NEDD4: variants seen among roughly 807,000 people sequenced by gnomAD.
NEDD4 encodes E3 ubiquitin-protein ligase NEDD4.
A neutral mutation model predicts 144.9 loss-of-function variants in NEDD4; 99 were observed. That is an observed-to-expected ratio of 0.68 (90% CI 0.58 to 0.81). The LOEUF is 0.81. Among genes scored for constraint, NEDD4 ranks in the 30% least tolerant of loss-of-function variants. The pLI is 0.00. For missense variants in NEDD4, 985 were observed against 1,065.9 expected (o/e 0.92, Z 1.06); for synonymous variants, 318 against 350.6 (o/e 0.91, Z 1.04).
intron 8 of NEDD4, among the ~76,000 whole-genome samples, chr15:55,868,900 T>C (rs558903680): frequency 1.3e-5 from 2 of 152,168 alleles, no homozygotes; most frequent in Non-Finnish European, 2.9e-5. Flanking sequence ...AACAAGATCC[T>C]GAGGTTCGGA....
Position 55,915,387 on chromosome 15 carries a change from G to A in NEDD4, c.291+9259C>T, listed in dbSNP as rs1438349132. 3.1e-6 allele frequency: 5 copies of A among 1,613,636 alleles called. No individual in the cohort carries two copies. In the South Asian group the frequency reaches 4.4e-5, roughly 14 times the overall value. ...AGATGCAAACTTTATGAGTAACTGA[G>A]ATGGTCCCCCTTTAGAACAATTGTG... On this transcript the variant is annotated intron_variant, in intron 5 of 28. Coordinates refer to ENST00000435532, the MANE Select transcript of NEDD4 (RefSeq NM_006154.4).
chr15:55,845,757 C>T (rs1422288887), intron 18 of NEDD4, among the ~76,000 whole-genome samples: 1 of 151,306 alleles, frequency 6.6e-6, no homozygotes, highest in Non-Finnish European at 1.5e-5. Context: ...AACAAATTTC[C>T]AGGGAAATTT....
chr15:55,861,485 G>C (rs961497868), intron 9 of NEDD4, among the ~76,000 whole-genome samples: 2 of 151,998 alleles, frequency 1.3e-5, no homozygotes, highest in Non-Finnish European at 2.9e-5. Flanking sequence ...AGCTTAACAG[G>C]TGACTACAGT....
intron 5 of NEDD4, among the ~76,000 whole-genome samples, chr15:55,876,077 G>A (rs1566926691): frequency 6.6e-6 from 1 of 152,108 alleles, no homozygotes; most frequent in Non-Finnish European, 1.5e-5. Context: ...CAAAAACAAT[G>A]GAAGCCAGAA....
At chr15:55,854,409 A>ATT (rs750194156) in intron 12 of NEDD4, among the ~76,000 whole-genome samples, 4 of 152,192 alleles carry the variant, frequency 2.6e-5, no homozygotes, top group East Asian at 3.9e-4. Flanking sequence ...TGGTGAATAG[A>ATT]TAAATGTAGT....
At chr15:55,984,815 T>C (rs945112403) in intron 1 of NEDD4, among the ~76,000 whole-genome samples, 4 of 152,288 alleles carry the variant, frequency 2.6e-5, no homozygotes, top group Middle Eastern at 3.4e-3. Flanking sequence ...CCAGAAGAAA[T>C]AGAAGTCCTA....
At chr15:55,835,443 A>G (rs1391012852) in intron 24 of NEDD4, among the ~76,000 whole-genome samples, 3 of 78,584 alleles carry the variant, frequency 3.8e-5, no homozygotes, top group African/African-American at 1.6e-4. Context: ...TTTTTTTCCC[A>G]TGCCCTAAAC....
chr15:55,857,221 G>C, intron 11 of NEDD4, among the ~76,000 whole-genome samples: 1 of 152,184 alleles, frequency 6.6e-6, no homozygotes, highest in South Asian at 2.1e-4. Context: ...GTATGCATGT[G>C]ATTTATCACC....
intron 4 of NEDD4, among the ~76,000 whole-genome samples, chr15:55,945,238 C>A (rs1041195930): frequency 6.6e-6 from 1 of 152,106 alleles, no homozygotes. Context: ...CATGTTCTAA[C>A]CCATTGCAAG....
At chr15:55,915,212 A>G in intron 5 of NEDD4, 1 of 1,386,442 alleles carries the variant, frequency 7.2e-7, no homozygotes, top group Non-Finnish European at 9.7e-7. Flanking sequence ...TGGTTACAAT[A>G]AATGTTCTCC....
At chr15:55,905,163 G>A in intron 5 of NEDD4, 1 of 370,544 alleles carries the variant, frequency 2.7e-6, no homozygotes, top group Non-Finnish European at 5.3e-6. Flanking sequence ...ATTATCATCA[G>A]CATGTTAAGA....
chr15:55,953,022 C>T (rs1172195357), intron 2 of NEDD4, among the ~76,000 whole-genome samples: 1 of 150,198 alleles, frequency 6.7e-6, no homozygotes, highest in Non-Finnish European at 1.5e-5. Flanking sequence ...CAGAGTCTTG[C>T]TCTGTTGCCC....
chr15:55,916,366 T>G (rs781266666), intron 5 of NEDD4: 4 of 1,614,072 alleles, frequency 2.5e-6, no homozygotes, highest in East Asian at 2.2e-5. Flanking sequence ...TTATCACTGG[T>G]TGAAAAGTTA....
At chr15:55,844,851 A>G (rs1478091812) in intron 18 of NEDD4, among the ~76,000 whole-genome samples, 1 of 146,838 alleles carries the variant, frequency 6.8e-6, no homozygotes, top group African/African-American at 2.5e-5. Context: ...TCTGTCATTC[A>G]GGCTGGAGTG....
rs113798809 is a variant in NEDD4, at chr15:55,864,843, T to C, written c.508-1764A>G. ...ATAAATGACAACAATTAAAGCTGTG[T>C]GGTTCTGGTGCATGCATCGACAGGC... On this transcript the variant is annotated intron_variant, in intron 8 of 28. Coordinates refer to ENST00000435532, the MANE Select transcript of NEDD4 (RefSeq NM_006154.4). 7.4e-3 allele frequency among the ~76,000 whole-genome samples: 1,123 copies of C among 152,168 alleles called. 16 individuals are homozygous for C. Among genetic ancestry groups the C allele is most frequent in the Admixed American group, 8.5e-3 (130 of 15,276 alleles).
At chr15:55,858,435 G>A (rs1566914474) in intron 11 of NEDD4, among the ~76,000 whole-genome samples, 1 of 152,062 alleles carries the variant, frequency 6.6e-6, no homozygotes, top group Non-Finnish European at 1.5e-5. Context: ...AGCCTCCCAA[G>A]TAGCTGGGAT....
chr15:55,841,371 T>C (rs2033493935), intron 19 of NEDD4, among the ~76,000 whole-genome samples: 1 of 152,166 alleles, frequency 6.6e-6, no homozygotes, highest in Non-Finnish European at 1.5e-5. Context: ...AAGACAAATA[T>C]TGAATGATTC....
At chr15:55,962,157 T>C (rs1272483285) in intron 2 of NEDD4, among the ~76,000 whole-genome samples, 2 of 152,212 alleles carry the variant, frequency 1.3e-5, no homozygotes, top group Non-Finnish European at 2.9e-5. Flanking sequence ...AATTTTTGTG[T>C]TGAAATCTAT....
chr15:55,854,939 T>C (rs1201134821), intron 12 of NEDD4, among the ~76,000 whole-genome samples: 1 of 152,174 alleles, frequency 6.6e-6, no homozygotes, highest in Non-Finnish European at 1.5e-5. Context: ...CACATATTCA[T>C]TGTATAGAGG....
Sources: gnomAD v4.1 joint callset for allele counts (sites outside exome capture counted in the v4.1 genomes callset) on GRCh38, gnomAD v4.1.1 for gene constraint, MANE v1.5 for transcripts, NCBI Gene and HGNC (gene_info 2026-07-23, HGNC 2026-07-21) for gene names.